Variants in MRPS31 observed in about 807,000 individuals in gnomAD.
The protein encoded by MRPS31 is small ribosomal subunit protein mS31.
A neutral mutation model predicts 43.1 loss-of-function variants in MRPS31; 32 were observed. The ratio of observed to expected loss-of-function variants is 0.74; its 90% confidence interval spans 0.56 to 1.00. The LOEUF (loss-of-function observed/expected upper bound fraction) is 1.00. Among genes scored for constraint, MRPS31 ranks in the 50% least tolerant of loss-of-function variants. MRPS31 has a pLI of 0.00. For missense variants in MRPS31, 437 were observed against 466.7 expected (o/e 0.94, Z 0.59); for synonymous variants, 165 against 161.6 (o/e 1.02, Z -0.16).
intron 1 of MRPS31, among the ~76,000 whole-genome samples, chr13:40,768,486 T>C (rs1593280546): frequency 6.6e-6 from 1 of 151,744 alleles, no homozygotes; most frequent in Non-Finnish European, 1.5e-5. Context: ...CAGGCTGGAG[T>C]GCAGTGGTGT....
At position 40,766,999 on chromosome 13, in the gene MRPS31, T is replaced by C; in HGVS notation, c.187A>G (p.Asn63Asp). ...TCTTTCTTGCTACAGATCACACTGTTAGTGCCAAAATATCTTTGGATGTTA... is the reference window on the plus strand; with the variant it reads ...TCTTTCTTGCTACAGATCACACTGTCAGTGCCAAAATATCTTTGGATGTTA... ...KNNIQRYFGT[N>D]SVICSKKDKQ... Residue 63 changes from asparagine (N) to aspartate (D), a missense_variant, in exon 2 of 7, where the codon AAC (asparagine) becomes GAC (aspartate). Transcript: ENST00000323563. The C allele has an allele frequency of 6.2e-7, 1 of 1,609,674 alleles. No individual in the cohort carries two copies. Among genetic ancestry groups the C allele is most frequent in the Non-Finnish European group, 8.5e-7 (1 of 1,179,020 alleles).
At position 40,746,559 on chromosome 13, in the gene MRPS31, A is replaced by T. The variant is rs529518745; in HGVS notation, c.958+2579T>A. 4.6e-5 allele frequency among the ~76,000 whole-genome samples: 7 copies of T among 152,244 alleles called. No individual in the cohort carries two copies. The East Asian group carries it at 1.4e-3, about 29-fold the overall frequency. ...TGTTTCTCTCCTTTTTTAGAAATTA[A>T]ATTTTCTCAGAAACCAGGTCAAATT... is the stretch of plus-strand genomic sequence containing the variant. On this transcript the variant is annotated intron_variant, in intron 6 of 6. Coordinates refer to ENST00000323563, the MANE Select transcript of MRPS31 (RefSeq NM_005830.4).
At position 40,752,932 on chromosome 13, in the gene MRPS31, G is replaced by A. The variant is rs138392785; in HGVS notation, c.814+1087C>T. Reference sequence around the variant, plus strand: ...TTTTTTCTATTTTTTAGAGAAAGGGGCTATGTTGCCCAGGCTGGTCTTGAA... The same window carrying A: ...TTTTTTCTATTTTTTAGAGAAAGGGACTATGTTGCCCAGGCTGGTCTTGAA... On this transcript the variant is annotated intron_variant, in intron 5 of 6. Transcript: ENST00000323563. 4.8e-4 allele frequency among the ~76,000 whole-genome samples: 73 copies of A among 152,008 alleles called. No homozygotes were observed. In the East Asian group the frequency reaches 0.013, roughly 27 times the overall value.
chr13:40,758,335 G>A (rs552402906), intron 3 of MRPS31, among the ~76,000 whole-genome samples: 3 of 152,226 alleles, frequency 2.0e-5, no homozygotes, highest in Admixed American at 1.3e-4. Flanking sequence ...CTGGGATCAT[G>A]GGCATGAGCC....
chr13:40,769,421 T>TATATATATA (rs10684050), intron 1 of MRPS31, among the ~76,000 whole-genome samples: 35 of 120,142 alleles, frequency 2.9e-4, no homozygotes, highest in Non-Finnish European at 4.7e-4. Flanking sequence ...TATATATATA[T>TATATATATA]TATCAAGTTC....
At chr13:40,737,522 C>T (rs1279206171) in intron 6 of MRPS31, among the ~76,000 whole-genome samples, 2 of 152,090 alleles carry the variant, frequency 1.3e-5, no homozygotes, top group Non-Finnish European at 2.9e-5. Context: ...AAATTGACCA[C>T]ATACTTGGAA....
intron 5 of MRPS31, among the ~76,000 whole-genome samples, chr13:40,749,811 G>A (rs750129349): frequency 6.6e-6 from 1 of 152,064 alleles, no homozygotes; most frequent in Non-Finnish European, 1.5e-5. Context: ...TTATCATGTT[G>A]GCTAATTACC....
rs76198112 is a variant in MRPS31, at chr13:40,751,265, T to A, written c.815-1984A>T. ...TTTACTTGGTGGTCACTGACCCACCTATGTCTTTTCCATCATCATTAGGAT... is the reference window on the plus strand; with the variant it reads ...TTTACTTGGTGGTCACTGACCCACCAATGTCTTTTCCATCATCATTAGGAT... On this transcript the variant is annotated intron_variant, in intron 5 of 6. Transcript: ENST00000323563. 2.7e-3 allele frequency among the ~76,000 whole-genome samples: 411 copies of A among 152,352 alleles called. 11 individuals are homozygous for A. The East Asian group carries it at 0.061, about 23-fold the overall frequency.
intron 6 of MRPS31, among the ~76,000 whole-genome samples, chr13:40,739,043 T>G (rs934341791): frequency 5.6e-4 from 86 of 152,296 alleles, no homozygotes; most frequent in African/African-American, 1.9e-3. Flanking sequence ...AAAACCCCAT[T>G]GTCTCAGCCC....
At chr13:40,732,620 G>A (rs1159528327) in intron 6 of MRPS31, among the ~76,000 whole-genome samples, 2 of 152,076 alleles carry the variant, frequency 1.3e-5, no homozygotes, top group Non-Finnish European at 2.9e-5. Context: ...TGTAGTCCTA[G>A]TACCTGGAAC....
intron 2 of MRPS31, among the ~76,000 whole-genome samples, chr13:40,763,593 C>G (rs1018914608): frequency 6.6e-6 from 1 of 152,030 alleles, no homozygotes; most frequent in Non-Finnish European, 1.5e-5. Context: ...TATCAGGTAC[C>G]AGATGTACCT....
At chr13:40,761,217 T>G (rs1314499420) in intron 2 of MRPS31, among the ~76,000 whole-genome samples, 1 of 151,394 alleles carries the variant, frequency 6.6e-6, no homozygotes. Context: ...CAGTGAGCCA[T>G]GATTTTTCCA....
intron 4 of MRPS31, among the ~76,000 whole-genome samples, chr13:40,754,500 T>C (rs559043325): frequency 1.7e-3 from 257 of 152,364 alleles, no homozygotes; most frequent in African/African-American, 5.7e-3. Flanking sequence ...TTACAAATTA[T>C]AATTATAAAA....
At chr13:40,735,312 G>C (rs539401996) in intron 6 of MRPS31, among the ~76,000 whole-genome samples, 95 of 152,234 alleles carry the variant, frequency 6.2e-4, no homozygotes, top group Non-Finnish European at 1.8e-4. Flanking sequence ...TGCTAGCACA[G>C]CAGTCTGAGA....
At chr13:40,769,830 C>T (rs1190513014) in intron 1 of MRPS31, among the ~76,000 whole-genome samples, 1 of 152,144 alleles carries the variant, frequency 6.6e-6, no homozygotes, top group Non-Finnish European at 1.5e-5. Flanking sequence ...TAAGTAACTC[C>T]CTAGCACTAA....
chr13:40,747,541 T>C (rs1407785800), intron 6 of MRPS31, among the ~76,000 whole-genome samples: 1 of 152,192 alleles, frequency 6.6e-6, no homozygotes, highest in Non-Finnish European at 1.5e-5. Context: ...ATACAGTTTA[T>C]GTAATACATG....
chr13:40,767,244 G>A (rs917195577), intron 1 of MRPS31, among the ~76,000 whole-genome samples: 2 of 151,008 alleles, frequency 1.3e-5, no homozygotes, highest in African/African-American at 4.9e-5. Context: ...CGCAAACCCC[G>A]CCTCCAGGGT....
intron 6 of MRPS31, among the ~76,000 whole-genome samples, chr13:40,734,624 G>A (rs1218702001): frequency 6.6e-6 from 1 of 152,122 alleles, no homozygotes; most frequent in African/African-American, 2.4e-5. Context: ...TTCCAGGCTG[G>A]GAACAGTGGC....
chr13:40,765,000 G>A (rs1440659292), intron 2 of MRPS31, among the ~76,000 whole-genome samples: 1 of 152,216 alleles, frequency 6.6e-6, no homozygotes, highest in Non-Finnish European at 1.5e-5. Context: ...ATGAAGCAAT[G>A]ATGACAGTGT....
Sources: gnomAD v4.1 joint callset for allele counts (sites outside exome capture counted in the v4.1 genomes callset) on GRCh38, gnomAD v4.1.1 for gene constraint, MANE v1.5 for transcripts, NCBI Gene and HGNC (gene_info 2026-07-23, HGNC 2026-07-21) for gene names.